Variants in C6 observed in about 807,000 individuals in gnomAD.
C6 encodes the protein complement C6.
Under a neutral mutation model 112.9 loss-of-function variants are expected in C6, and 101 were observed. That is an observed-to-expected ratio of 0.89 (90% CI 0.76 to 1.06). The LOEUF (loss-of-function observed/expected upper bound fraction) is 1.06. Ranked by LOEUF, C6 falls within the 50% of genes least tolerant of loss-of-function variation. C6 has a pLI of 0.00. For missense variants in C6, 1,202 were observed against 1,104.6 expected, an observed-to-expected ratio of 1.09 and a Z score of -1.25; for synonymous variants, 431 against 384.1, an observed-to-expected ratio of 1.12 and a Z score of -1.43.
Position 41,159,126 on chromosome 5 carries a change from C to T in C6, c.1812G>A (p.Glu604=). Residue 604 remains glutamate (E), a synonymous_variant, in exon 12 of 18, where the codon GAG becomes GAA. Transcript: ENST00000337836. ...ATGTGCAGTCTTCCTCTTGTCGCTT[C>T]TCCCCCTCACAGCGTTTCCCTCCTC... ...PQRGGKRCEG[E]KRQEEDCTFS... 1.2e-6 allele frequency: 2 copies of T among 1,613,766 alleles called. No individual in the cohort carries two copies. Among genetic ancestry groups the T allele is most frequent in the Non-Finnish European group, 8.5e-7 (1 of 1,179,764 alleles).
intron 1 of C6, among the ~76,000 whole-genome samples, chr5:41,260,414 A>C (rs1741975185): frequency 1.3e-5 from 2 of 151,790 alleles, no homozygotes; most frequent in African/African-American, 2.4e-5. Flanking sequence ...CTCTTCAGTA[A>C]ATCCAGAATT....
rs1748485821 is a variant in C6 at position 41,172,283 on chromosome 5, A to G, written c.1233T>C (p.Ala411=). The G allele has an allele frequency of 1.2e-6, 2 of 1,613,578 alleles. No homozygotes were observed. Among genetic ancestry groups the G allele is most frequent in the East Asian group, 2.2e-5 (1 of 44,860 alleles). ...RIETKKRVLF[A]KKTKVEHRCT... ...ACCTATGTTCCACTTTTGTTTTCTT[A>G]GCAAATAAAACGCGTTTCTTTGTTT... is the stretch of plus-strand genomic sequence containing the variant. Residue 411 remains alanine, a synonymous_variant, in exon 9 of 18, where the codon GCT becomes GCC. Transcript: ENST00000337836.
At chr5:41,153,771 C>T (rs778454308) in intron 15 of C6, 39 bp downstream of exon 15, 13 of 1,495,828 alleles carry the variant, frequency 8.7e-6, no homozygotes, top group Non-Finnish European at 8.4e-6. Flanking sequence ...TCAGGGTGCA[C>T]CACCTTATCA....
At chr5:41,182,511 G>C (rs1370286506) in intron 6 of C6, among the ~76,000 whole-genome samples, 3 of 152,072 alleles carry the variant, frequency 2.0e-5, no homozygotes, top group Non-Finnish European at 4.4e-5. Flanking sequence ...CTAACTCCCT[G>C]CCCAGTTGCC....
At chr5:41,156,547 C>A (rs1008952227) in intron 13 of C6, among the ~76,000 whole-genome samples, 1 of 152,076 alleles carries the variant, frequency 6.6e-6, no homozygotes, top group Admixed American at 6.6e-5. Flanking sequence ...CTGAGAGGGG[C>A]AAGAGTACCA....
At chr5:41,148,713 G>A (rs985847111) in intron 17 of C6, among the ~76,000 whole-genome samples, 1 of 152,204 alleles carries the variant, frequency 6.6e-6, no homozygotes, top group Non-Finnish European at 1.5e-5. Context: ...GTATAACAGT[G>A]CCTGGGTTCA....
intron 9 of C6, among the ~76,000 whole-genome samples, chr5:41,167,823 C>T (rs1197624507): frequency 6.6e-6 from 1 of 152,096 alleles, no homozygotes; most frequent in Non-Finnish European, 1.5e-5. Flanking sequence ...GGTGAAATCA[C>T]TGATGCCTTA....
intron 1 of C6, among the ~76,000 whole-genome samples, chr5:41,252,471 T>C (rs942721451): frequency 6.6e-6 from 1 of 152,216 alleles, no homozygotes; most frequent in Admixed American, 6.5e-5. Context: ...ACAGACTCTT[T>C]GTAGCAGTGA....
At chr5:41,231,058 T>C (rs1739866805) in intron 1 of C6, among the ~76,000 whole-genome samples, 1 of 152,174 alleles carries the variant, frequency 6.6e-6, no homozygotes, top group Non-Finnish European at 1.5e-5. Context: ...TTTCTATTCT[T>C]TCACTTTCAA....
intron 1 of C6, among the ~76,000 whole-genome samples, chr5:41,221,271 T>C (rs1263071678): frequency 6.6e-6 from 1 of 152,170 alleles, no homozygotes. Context: ...CAATACACTG[T>C]CATGATTTTT....
rs533053181 is a variant in C6, at chr5:41,191,947, A to G, written c.587+3845T>C. On this transcript the variant is annotated intron_variant, in intron 5 of 17. Coordinates refer to ENST00000337836, the MANE Select transcript of C6 (RefSeq NM_000065.5). Reference sequence around the variant, plus strand: ...GCAAGGACTTACAGGACTATGCTGAATAACAGTGGTAAGAGCAGGTATCCT... The same window carrying G: ...GCAAGGACTTACAGGACTATGCTGAGTAACAGTGGTAAGAGCAGGTATCCT... 7.9e-5 allele frequency among the ~76,000 whole-genome samples: 12 copies of G among 152,256 alleles called. No individual in the cohort carries two copies. In the South Asian group the frequency reaches 2.1e-3, roughly 26 times the overall value.
At chr5:41,249,064 A>T (rs1044640364) in intron 1 of C6, among the ~76,000 whole-genome samples, 1 of 152,218 alleles carries the variant, frequency 6.6e-6, no homozygotes, top group Non-Finnish European at 1.5e-5. Flanking sequence ...TAGAAAACTG[A>T]ATACTGTATA....
chr5:41,161,521 G>A (rs1034089846), intron 10 of C6, among the ~76,000 whole-genome samples, 172 bp downstream of exon 10: 8 of 152,072 alleles, frequency 5.3e-5, no homozygotes, highest in South Asian at 2.1e-4. Context: ...AATAGCAAAC[G>A]CATTAGACAT....
intron 15 of C6, among the ~76,000 whole-genome samples, chr5:41,151,078 A>T (rs1011668016): frequency 6.6e-6 from 1 of 152,090 alleles, no homozygotes; most frequent in African/African-American, 2.4e-5. Context: ...ACAGTCTCTG[A>T]TAGGTTTTAA....
chr5:41,156,025 G>C (rs1217758921), intron 13 of C6, among the ~76,000 whole-genome samples: 1 of 151,838 alleles, frequency 6.6e-6, no homozygotes, highest in African/African-American at 2.4e-5. Context: ...CATGTTGCTG[G>C]GGGGTGGGGG....
At chr5:41,245,620 G>T (rs147959483) in intron 1 of C6, among the ~76,000 whole-genome samples, 25 of 152,080 alleles carry the variant, frequency 1.6e-4, no homozygotes, top group African/African-American at 6.0e-4. Flanking sequence ...TTGCAAAGTG[G>T]CTTTCAAAAA....
chr5:41,261,067 A>G, intron 1 of C6: 1 of 363,462 alleles, frequency 2.8e-6, no homozygotes, highest in Non-Finnish European at 3.8e-6. Flanking sequence ...ACCATATTCT[A>G]TAAAACTGAA....
intron 1 of C6, among the ~76,000 whole-genome samples, chr5:41,250,868 G>A (rs1389503311): frequency 1.3e-5 from 2 of 152,188 alleles, no homozygotes; most frequent in Non-Finnish European, 2.9e-5. Context: ...GGAAAGAGAT[G>A]TCACCTTCCC....
intron 8 of C6, among the ~76,000 whole-genome samples, chr5:41,173,230 C>G (rs1748576548): frequency 6.6e-6 from 1 of 152,150 alleles, no homozygotes; most frequent in East Asian, 1.9e-4. Context: ...TGAGGCTCAG[C>G]CATCCGGTTT....
Sources: allele counts gnomAD v4.1 joint callset (sites outside exome capture counted in the v4.1 genomes callset), GRCh38; gene constraint gnomAD v4.1.1; transcripts MANE v1.5; gene names NCBI Gene and HGNC (gene_info 2026-07-23, HGNC 2026-07-21).